TOM1L1: variants seen among roughly 807,000 people sequenced by gnomAD.
The protein encoded by TOM1L1 is TOM1-like protein 1.
A neutral mutation model predicts 63.4 loss-of-function variants in TOM1L1; 64 were observed. The observed-to-expected ratio is 1.01, with a 90% CI of 0.83 to 1.24. TOM1L1 has a LOEUF of 1.24. TOM1L1 is among the 50% of genes most tolerant of loss of function. The pLI, the probability that TOM1L1 is intolerant of heterozygous loss-of-function variation, is 0.00. For synonymous variants in TOM1L1, 166 were observed against 194.4 expected, an observed-to-expected ratio of 0.85 and a Z score of 1.22; for missense variants, 536 against 567.0, an observed-to-expected ratio of 0.95 and a Z score of 0.55.
At chr17:54,938,899 CA>C in intron 10 of TOM1L1, 24 bp from the exon 11 acceptor site, 1 of 1,476,486 alleles carries the variant, frequency 6.8e-7, no homozygotes, top group Non-Finnish European at 9.4e-7. Flanking sequence ...GTTTTAAAGC[CA>C]AACAAGTCCA....
chr17:54,914,878 A>C (rs2048561804), intron 6 of TOM1L1, 135 bp downstream of exon 6: 1 of 732,190 alleles, frequency 1.4e-6, no homozygotes, highest in South Asian at 1.6e-5. Context: ...ACTGAGGCTT[A>C]GTAATACTAT....
chr17:54,938,701 C>A, intron 10 of TOM1L1: 1 of 388,348 alleles, frequency 2.6e-6, no homozygotes, highest in South Asian at 5.6e-5. Context: ...GAAATTCTTT[C>A]TCTCTCTACC....
rs1159418011 is a variant in TOM1L1, at chr17:54,906,613, A to T, written c.222+1046A>T. On this transcript the variant is annotated intron_variant, in intron 3 of 15. Transcript: ENST00000575882. ...CTTTGTGGAATCCTGAGATGCTCTC[A>T]GCTCATTAAATTCCAAACAAGTTCT... Among the ~76,000 whole-genome samples, 3 of 152,116 alleles carry T rather than the reference A, an allele frequency of 2.0e-5. No individual in the cohort carries two copies. The East Asian group carries it at 5.8e-4, about 29-fold the overall frequency.
intron 8 of TOM1L1, among the ~76,000 whole-genome samples, chr17:54,931,632 C>G (rs1214306112): frequency 6.6e-6 from 1 of 152,054 alleles, no homozygotes; most frequent in Non-Finnish European, 1.5e-5. Flanking sequence ...GAAACCCCAT[C>G]TCTATCAAAA....
chr17:54,906,400 T>C (rs1268161754), intron 3 of TOM1L1, among the ~76,000 whole-genome samples: 2 of 146,510 alleles, frequency 1.4e-5, no homozygotes, highest in African/African-American at 2.5e-5. Flanking sequence ...ACCTGGGAGG[T>C]GGAGATTGCG....
chr17:54,953,823 T>G (rs2049355441), intron 14 of TOM1L1: 2 of 152,134 alleles, frequency 1.3e-5, no homozygotes, highest in African/African-American at 4.8e-5. Context: ...CTTTTTAGAG[T>G]TTTCTCTGAA....
intron 7 of TOM1L1, among the ~76,000 whole-genome samples, chr17:54,927,797 T>C (rs2143844102): frequency 6.6e-6 from 1 of 152,268 alleles, no homozygotes; most frequent in East Asian, 1.9e-4. Flanking sequence ...CAGACATCAA[T>C]TGCAAAGATG....
chr17:54,915,092 G>T (rs1231222851), intron 6 of TOM1L1, among the ~76,000 whole-genome samples: 2 of 152,104 alleles, frequency 1.3e-5, no homozygotes, highest in East Asian at 1.9e-4. Context: ...TTAGTAAATG[G>T]TAGTCTTATT....
chr17:54,942,263 A>ATTTTTTTTT (rs5821080), intron 11 of TOM1L1: 1 of 140,452 alleles, frequency 7.1e-6, no homozygotes. Flanking sequence ...CACCCATCTA[A>ATTTTTTTTT]TTTTTTTTTT....
chr17:54,937,421 G>T, intron 10 of TOM1L1, 195 bp downstream of exon 10: 1 of 560,004 alleles, frequency 1.8e-6, no homozygotes, highest in Non-Finnish European at 3.2e-6. Flanking sequence ...GTGTCTGGGC[G>T]AGGAGGTCCT....
intron 8 of TOM1L1, among the ~76,000 whole-genome samples, chr17:54,935,851 G>T (rs906328442): frequency 1.3e-5 from 2 of 152,048 alleles, no homozygotes; most frequent in South Asian, 2.1e-4. Flanking sequence ...GGCCGGGCGC[G>T]GTGGCTCATG....
rs1229791264 is a variant in TOM1L1, at chr17:54,949,681, T to C, written c.1288+58T>C. The stretch of plus-strand genomic sequence containing the variant: ...GGAAACTTATGAGAATATATGAGTC[T>C]GCCAGAGATTCATTGGTAACTGAAA... On this transcript the variant is annotated intron_variant, in intron 13 of 15. Coordinates refer to ENST00000575882, the MANE Select transcript of TOM1L1 (RefSeq NM_005486.3). The C allele has an allele frequency of 4.5e-6, 6 of 1,339,920 alleles. No individual in the cohort carries two copies. In the East Asian group the frequency reaches 1.1e-4, roughly 26 times the overall value. 83.0% of individuals were successfully genotyped at this position (1,339,920 alleles called of 1,614,324 possible).
At chr17:54,955,536 T>C (rs973835527) in intron 14 of TOM1L1, among the ~76,000 whole-genome samples, 6 of 152,072 alleles carry the variant, frequency 3.9e-5, no homozygotes, top group Admixed American at 6.5e-5. Context: ...AGACTAAGGG[T>C]AGAAGAATCC....
chr17:54,951,821 C>T (rs1013545298), intron 14 of TOM1L1: 1 of 152,228 alleles, frequency 6.6e-6, no homozygotes, highest in Non-Finnish European at 1.5e-5. Context: ...TGCAGCCCCT[C>T]AGGTCCTGTT....
chr17:54,906,114 G>A (rs917949708), intron 3 of TOM1L1, among the ~76,000 whole-genome samples: 3 of 151,978 alleles, frequency 2.0e-5, no homozygotes, highest in East Asian at 1.9e-4. Flanking sequence ...AGATGGCAAC[G>A]AGCTATGATC....
intron 14 of TOM1L1, chr17:54,959,618 T>A (rs1020287775): frequency 2.6e-5 from 2 of 77,008 alleles, no homozygotes; most frequent in African/African-American, 1.1e-4. Flanking sequence ...GAAGATTAAT[T>A]TTTTTTTTTT....
At chr17:54,946,277 GGTT>G (rs2049117247) in intron 11 of TOM1L1, among the ~76,000 whole-genome samples, 1 of 152,098 alleles carries the variant, frequency 6.6e-6, no homozygotes. Flanking sequence ...AACTTCATGA[GGTT>G]GTTTTCCTGA....
chr17:54,901,920 A>G (rs1185394187), intron 1 of TOM1L1, among the ~76,000 whole-genome samples: 2 of 152,032 alleles, frequency 1.3e-5, no homozygotes, highest in Admixed American at 6.6e-5. Context: ...GGATATTAGA[A>G]TGAACCCCAA....
intron 14 of TOM1L1, chr17:54,958,385 G>A (rs893583702): frequency 3.9e-5 from 6 of 152,224 alleles, no homozygotes; most frequent in African/African-American, 1.4e-4. Context: ...AGATTAAGTA[G>A]AGACAGTAAG....
Sources: gnomAD v4.1 joint callset for allele counts (sites outside exome capture counted in the v4.1 genomes callset) on GRCh38, gnomAD v4.1.1 for gene constraint, MANE v1.5 for transcripts, NCBI Gene and HGNC (gene_info 2026-07-23, HGNC 2026-07-21) for gene names.